The following GALNT1 variants were observed in gnomAD, a reference collection of about 807,000 sequenced individuals.
The protein encoded by GALNT1 is GalNAc transferase 1.
Under a neutral mutation model 65.7 loss-of-function variants are expected in GALNT1, and 17 were observed. The ratio of observed to expected loss-of-function variants is 0.26; its 90% confidence interval spans 0.18 to 0.39. The LOEUF is 0.39. GALNT1 is among the 10% of genes least tolerant of loss of function. GALNT1 has a pLI of 1.00. For missense variants in GALNT1, 460 were observed against 672.8 expected (o/e 0.68, Z 3.50); for synonymous variants, 210 against 219.7 (o/e 0.96, Z 0.39).
chr18:35,632,358 A>T (rs1395276336), intron 1 of GALNT1, among the ~76,000 whole-genome samples: 5 of 152,194 alleles, frequency 3.3e-5, no homozygotes, highest in Non-Finnish European at 7.4e-5. Flanking sequence ...AGAGATATAG[A>T]CCAATGGAAC....
At chr18:35,658,970 A>G (rs1196768855) in intron 2 of GALNT1, among the ~76,000 whole-genome samples, 5 of 152,078 alleles carry the variant, frequency 3.3e-5, no homozygotes, top group African/African-American at 1.2e-4. Context: ...TCAGCCTCCC[A>G]AAGTGCTGGG....
chr18:35,582,579 C>G (rs1314445703), intron 1 of GALNT1, among the ~76,000 whole-genome samples: 1 of 152,240 alleles, frequency 6.6e-6, no homozygotes, highest in African/African-American at 2.4e-5. Flanking sequence ...GTCTACCAAA[C>G]TCACTTGGCA....
intron 1 of GALNT1, among the ~76,000 whole-genome samples, chr18:35,652,874 AT>A (rs1053443350): frequency 3.3e-5 from 5 of 152,184 alleles, no homozygotes; most frequent in Admixed American, 2.0e-4. Flanking sequence ...TTCTGCAGGC[AT>A]TTTTTTCAAA....
intron 9 of GALNT1, among the ~76,000 whole-genome samples, chr18:35,702,555 CTT>C (rs2048182247): frequency 6.6e-6 from 1 of 152,108 alleles, no homozygotes; most frequent in African/African-American, 2.4e-5. Flanking sequence ...AATTAATGTT[CTT>C]GTCTTGATTG....
intron 1 of GALNT1, among the ~76,000 whole-genome samples, chr18:35,616,039 A>G (rs956527463): frequency 6.6e-6 from 1 of 152,180 alleles, no homozygotes; most frequent in Non-Finnish European, 1.5e-5. Context: ...ATAAAATTTT[A>G]TTTACAAAAA....
At chr18:35,608,470 A>G (rs942229467) in intron 1 of GALNT1, among the ~76,000 whole-genome samples, 1 of 152,202 alleles carries the variant, frequency 6.6e-6, no homozygotes, top group Non-Finnish European at 1.5e-5. Context: ...GTGTGAAAAG[A>G]GTGTAAAACA....
In GALNT1 at chr18:35,679,462, T is replaced by C. The variant is rs894536146; in HGVS notation, c.481+1705T>C. Among the ~76,000 whole-genome samples, 19 of 152,178 alleles carry C rather than the reference T, an allele frequency of 1.2e-4. 1 individual carries two copies. Among genetic ancestry groups the C allele is most frequent in the Admixed American group, 5.2e-4 (8 of 15,266 alleles). The stretch of plus-strand genomic sequence containing the variant: ...AACAAGTGACAGAGAAACTCACCTA[T>C]AGCAGTTCTCTCTTTCCTTTCCCTC... On this transcript the variant is annotated intron_variant, in intron 4 of 11. Coordinates refer to ENST00000269195, the MANE Select transcript of GALNT1 (RefSeq NM_020474.4).
At chr18:35,677,878 T>C (rs778278875) in intron 4 of GALNT1, 121 bp downstream of exon 4, 19 of 706,262 alleles carry the variant, frequency 2.7e-5, no homozygotes, top group Admixed American at 2.0e-4. Context: ...CCCAAAAATA[T>C]GGCATTTGGA....
chr18:35,707,256 A>G (rs1463103199), intron 11 of GALNT1, among the ~76,000 whole-genome samples: 3 of 152,148 alleles, frequency 2.0e-5, no homozygotes, highest in African/African-American at 7.2e-5. Context: ...TTGGCAAATT[A>G]TTTTTTCTAG....
intron 9 of GALNT1, among the ~76,000 whole-genome samples, chr18:35,700,959 A>C (rs1429508300): frequency 2.0e-5 from 3 of 152,334 alleles, no homozygotes; most frequent in East Asian, 3.9e-4. Flanking sequence ...ATTTGGGGGA[A>C]GAAATAGAGG....
intron 11 of GALNT1, among the ~76,000 whole-genome samples, chr18:35,706,978 T>G (rs193288464): frequency 8.7e-4 from 132 of 152,322 alleles, no homozygotes; most frequent in Non-Finnish European, 5.9e-5. Flanking sequence ...AGAATTAATT[T>G]CCCAAGGAAA....
At position 35,588,980 on chromosome 18, in the gene GALNT1, T is replaced by C. The variant is rs1568011229; in HGVS notation, c.-104+7118T>C. On this transcript the variant is annotated intron_variant, in intron 1 of 11. Transcript: ENST00000269195. ...GATGAGTGATTTTTAAATGAAAACC[T>C]GGGTGTTTTTATATTATACTATGAG... Among the ~76,000 whole-genome samples the C allele has an allele frequency of 4.6e-5, 7 of 152,314 alleles. No homozygotes were observed. In the South Asian group the frequency reaches 1.5e-3, roughly 32 times the overall value.
At chr18:35,615,684 C>T (rs1295357620) in intron 1 of GALNT1, among the ~76,000 whole-genome samples, 13 of 152,124 alleles carry the variant, frequency 8.5e-5, no homozygotes, top group Middle Eastern at 3.2e-3. Flanking sequence ...CAGTAATGCA[C>T]ACACCCATAT....
At chr18:35,587,638 C>G (rs1598777966) in intron 1 of GALNT1, among the ~76,000 whole-genome samples, 1 of 152,150 alleles carries the variant, frequency 6.6e-6, no homozygotes, top group African/African-American at 2.4e-5. Flanking sequence ...CAATATGGTG[C>G]ATTGTATTGA....
rs549342154 is a variant in GALNT1, at chr18:35,600,372, T to A, written c.-104+18510T>A. ...TGTTAGTGATTTTTGTTGTTGATTGTGTATTCTGCAACTTTACTGGATTTG... is the reference window on the plus strand; with the variant it reads ...TGTTAGTGATTTTTGTTGTTGATTGAGTATTCTGCAACTTTACTGGATTTG... On this transcript the variant is annotated intron_variant, in intron 1 of 11. Transcript: ENST00000269195. 5.0e-4 allele frequency among the ~76,000 whole-genome samples: 76 copies of A among 152,342 alleles called. 1 individual carries two copies. Among genetic ancestry groups the A allele is most frequent in the African/African-American group, 1.8e-3 (74 of 41,574 alleles).
chr18:35,622,546 C>T (rs1373511701), intron 1 of GALNT1, among the ~76,000 whole-genome samples: 1 of 152,186 alleles, frequency 6.6e-6, no homozygotes, highest in Non-Finnish European at 1.5e-5. Flanking sequence ...GCCAAAGCAC[C>T]TGGCTTAGCA....
At chr18:35,626,549 A>G (rs1474936512) in intron 1 of GALNT1, among the ~76,000 whole-genome samples, 1 of 152,172 alleles carries the variant, frequency 6.6e-6, no homozygotes, top group Admixed American at 6.5e-5. Flanking sequence ...CAATAATTAT[A>G]GGTTGCAGAT....
rs191290602 is a variant in GALNT1 at position 35,664,836 on chromosome 18, A to T, written c.314+1034A>T. Among the ~76,000 whole-genome samples, 466 of 152,356 alleles carry T rather than the reference A, an allele frequency of 3.1e-3. 2 individuals carry two copies. Among genetic ancestry groups the T allele is most frequent in the Non-Finnish European group, 3.9e-3 (266 of 68,026 alleles). On this transcript the variant is annotated intron_variant, in intron 3 of 11. Transcript: ENST00000269195. ...CTTGCTCTCATTGATGCTGGCAGCC[A>T]AGCTTGCCTCCTCCAGAGAAGAGAC...
At chr18:35,594,102 A>C (rs1598779525) in intron 1 of GALNT1, among the ~76,000 whole-genome samples, 1 of 121,584 alleles carries the variant, frequency 8.2e-6, no homozygotes, top group South Asian at 3.1e-4. Flanking sequence ...GGGCGGGGGC[A>C]GGAGTAGGGG....
Sources: gnomAD v4.1 joint callset for allele counts (sites outside exome capture counted in the v4.1 genomes callset) on GRCh38, gnomAD v4.1.1 for gene constraint, MANE v1.5 for transcripts, NCBI Gene and HGNC (gene_info 2026-07-23, HGNC 2026-07-21) for gene names.